Variants in NAA11 observed in about 807,000 individuals in gnomAD.
NAA11 encodes the protein N-alpha-acetyltransferase 11.
A neutral mutation model predicts 16.1 loss-of-function variants in NAA11; 15 were observed. That is an observed-to-expected ratio of 0.93 (90% confidence interval 0.62 to 1.44). The LOEUF (loss-of-function observed/expected upper bound fraction) is 1.44. Among genes scored for constraint, NAA11 ranks in the 40% most tolerant of loss-of-function variants. The probability of loss-of-function intolerance (pLI) is 0.00; values close to 1 mark genes in which losing one functional copy is unlikely to be tolerated. For missense variants in NAA11, 298 were observed against 291.3 expected, an observed-to-expected ratio of 1.02 and a Z score of -0.17; for synonymous variants, 122 against 112.4, an observed-to-expected ratio of 1.09 and a Z score of -0.54.
In NAA11 at chr4:79,303,071, GC is replaced by G. The variant is rs1236267266; in HGVS notation, c.*13-8958del. ...CCCTTTTCATTCCTGTTCTCTTGAG[GC>G]CTTTTATATATATATATATATATAT... On this transcript the variant is annotated intron_variant and NMD_transcript_variant, in intron 1 of 2. Coordinates refer to the NAA11 transcript ENST00000511542. Among the ~76,000 whole-genome samples, 76 of 86,586 alleles carry G rather than the reference GC, an allele frequency of 8.8e-4. 1 individual carries two copies. The highest frequency in any genetic ancestry group is 3.6e-3 in the African/African-American group (74 of 20,794). The allele number at this position is 86,586 out of a possible 152,430, so 56.8% of individuals were successfully genotyped here.
At chr4:79,184,652 G>A in the NAA11 span, among the ~76,000 whole-genome samples, 1 of 152,180 alleles carries the variant, frequency 6.6e-6, no homozygotes. Flanking sequence ...GAGTCTGGGG[G>A]AGCAGAGTGG....
At chr4:79,274,833 A>C (rs1722610311) in intron 2 of NAA11, among the ~76,000 whole-genome samples, 1 of 152,106 alleles carries the variant, frequency 6.6e-6, no homozygotes, top group Non-Finnish European at 1.5e-5. Context: ...CTGCTCACAT[A>C]GGGATCACAA....
intron 1 of NAA11, chr4:79,298,998 T>C (rs1482426778): frequency 6.6e-6 from 1 of 152,262 alleles, no homozygotes; most frequent in Non-Finnish European, 1.5e-5. Flanking sequence ...TTCTACTTGT[T>C]AGGTTATAAA....
chr4:79,285,442 C>T (rs1399035583), intron 2 of NAA11, among the ~76,000 whole-genome samples: 1 of 152,016 alleles, frequency 6.6e-6, no homozygotes, highest in African/African-American at 2.4e-5. Context: ...CAACTCTAAG[C>T]TGCAATACCT....
chr4:79,290,458 C>T (rs1414657249), intron 2 of NAA11, among the ~76,000 whole-genome samples: 3 of 152,110 alleles, frequency 2.0e-5, no homozygotes, highest in South Asian at 2.1e-4. Context: ...TCTCCCTCTG[C>T]TCTCTCTCTC....
chr4:79,208,991 T>C, the NAA11 span, among the ~76,000 whole-genome samples: 3 of 143,212 alleles, frequency 2.1e-5, no homozygotes, highest in South Asian at 7.1e-4. Context: ...AACAAAATTT[T>C]CAGGCTTGCA....
At chr4:79,262,989 T>C (rs941295741) in intron 2 of NAA11, among the ~76,000 whole-genome samples, 1 of 152,078 alleles carries the variant, frequency 6.6e-6, no homozygotes, top group Non-Finnish European at 1.5e-5. Context: ...AGGATTTAAA[T>C]AAATAAAATG....
At chr4:79,175,083 C>G in the NAA11 span, among the ~76,000 whole-genome samples, 2 of 152,126 alleles carry the variant, frequency 1.3e-5, no homozygotes, top group Non-Finnish European at 2.9e-5. Context: ...CAGTTTGCTG[C>G]TCATTTCTGA....
At chr4:79,239,019 G>C (rs1279923855) in intron 2 of NAA11, among the ~76,000 whole-genome samples, 1 of 152,178 alleles carries the variant, frequency 6.6e-6, no homozygotes, top group Non-Finnish European at 1.5e-5. Flanking sequence ...TCCATGGCAG[G>C]AGCCATAGAC....
intron 2 of NAA11, among the ~76,000 whole-genome samples, chr4:79,292,369 C>G (rs945517840): frequency 1.3e-5 from 2 of 152,176 alleles, no homozygotes; most frequent in African/African-American, 4.8e-5. Context: ...CACCCGACAT[C>G]TCCAAACTGA....
chr4:79,251,638 A>T (rs1392637970), intron 2 of NAA11, among the ~76,000 whole-genome samples: 2 of 17,212 alleles, frequency 1.2e-4, no homozygotes, highest in Non-Finnish European at 6.5e-4. Flanking sequence ...AAAGTGAATT[A>T]AAAAAAAAAA....
chr4:79,219,228 G>A, the NAA11 span, among the ~76,000 whole-genome samples: 3 of 152,070 alleles, frequency 2.0e-5, no homozygotes, highest in Non-Finnish European at 4.4e-5. Context: ...GAGCTTGGTC[G>A]ATTGGATGAG....
the NAA11 span, among the ~76,000 whole-genome samples, chr4:79,162,694 GATT>G: frequency 2.4e-4 from 36 of 152,256 alleles, no homozygotes; most frequent in African/African-American, 8.2e-4. Context: ...GTCAACTTGA[GATT>G]ATATTAATCT....
chr4:79,321,245 C>G (rs1255091622), intron 1 of NAA11, among the ~76,000 whole-genome samples: 2 of 152,224 alleles, frequency 1.3e-5, no homozygotes, highest in Non-Finnish European at 2.9e-5. Context: ...CAAAACTTCT[C>G]AAAGTCCAGA....
the NAA11 span, among the ~76,000 whole-genome samples, chr4:79,174,840 T>C: frequency 1.3e-5 from 2 of 152,094 alleles, no homozygotes; most frequent in Admixed American, 1.3e-4. Context: ...GAAATAGACC[T>C]CTTATCCGAA....
At chr4:79,242,172 A>G (rs1721712009) in intron 2 of NAA11, among the ~76,000 whole-genome samples, 1 of 152,206 alleles carries the variant, frequency 6.6e-6, no homozygotes, top group Non-Finnish European at 1.5e-5. Flanking sequence ...TCATACCGCC[A>G]TGAATGCATT....
intron 2 of NAA11, among the ~76,000 whole-genome samples, chr4:79,277,100 A>G (rs1722667176): frequency 1.3e-5 from 2 of 152,124 alleles, no homozygotes; most frequent in Non-Finnish European, 2.9e-5. Flanking sequence ...TTCATCCCAA[A>G]CAACACTGCC....
At chr4:79,167,101 G>A in the NAA11 span, among the ~76,000 whole-genome samples, 1 of 83,358 alleles carries the variant, frequency 1.2e-5, no homozygotes, top group Non-Finnish European at 2.4e-5. Flanking sequence ...GGAAACGGAA[G>A]GGAAATTGTG....
chr4:79,175,210 AC>A, the NAA11 span, among the ~76,000 whole-genome samples: 3 of 152,254 alleles, frequency 2.0e-5, no homozygotes, highest in South Asian at 6.2e-4. Context: ...CATTGTAAGT[AC>A]CTTTTGGCAT....
Sources: allele counts gnomAD v4.1 joint callset (sites outside exome capture counted in the v4.1 genomes callset), GRCh38; gene constraint gnomAD v4.1.1; transcripts MANE v1.5; gene names NCBI Gene and HGNC (gene_info 2026-07-23, HGNC 2026-07-21).